Variants in CCDC3 observed in about 807,000 individuals in gnomAD.
The protein encoded by CCDC3 is coiled-coil domain-containing protein 3.
In CCDC3, 24 loss-of-function variants were observed where a neutral mutation model predicts 21.4. The observed-to-expected ratio is 1.12, with a 90% CI of 0.81 to 1.58. CCDC3 has a LOEUF of 1.58. CCDC3 is among the 40% of genes most tolerant of loss of function. The pLI, the probability that CCDC3 is intolerant of heterozygous loss-of-function variation, is 0.00. For synonymous variants in CCDC3, 186 were observed against 166.0 expected (o/e 1.12, Z -0.93); for missense variants, 425 against 360.9 (o/e 1.18, Z -1.44).
At chr10:13,001,794 C>A (rs539513184), upstream of CCDC3, 101 of 169,866 alleles carry the variant, frequency 5.9e-4, no homozygotes, top group African/African-American at 2.2e-3. Flanking sequence ...CTGCCCCCTG[C>A]GGCTGGGGCG....
chr10:12,955,234 T>C (rs1339923580), intron 2 of CCDC3, among the ~76,000 whole-genome samples: 1 of 152,230 alleles, frequency 6.6e-6, no homozygotes, highest in East Asian at 1.9e-4. Context: ...TCCCTTTAAA[T>C]AGCAAGCTCT....
intron 2 of CCDC3, among the ~76,000 whole-genome samples, chr10:12,916,465 G>A (rs892435656): frequency 6.0e-5 from 9 of 150,762 alleles, no homozygotes; most frequent in Admixed American, 1.3e-4. Context: ...CTGGGGCCAC[G>A]GGTGCCAACC....
At chr10:13,015,215 T>C (rs489457) in intron 5 of CCDC3, among the ~76,000 whole-genome samples, 2,781 of 152,186 alleles carry the variant, frequency 0.018, 87 homozygotes, top group African/African-American at 0.063. Flanking sequence ...CTGATGTAGT[T>C]ACAGTAAAAG....
intron 4 of CCDC3, among the ~76,000 whole-genome samples, chr10:13,051,044 G>A (rs752923062): frequency 2.0e-5 from 3 of 152,144 alleles, no homozygotes; most frequent in Non-Finnish European, 2.9e-5. Flanking sequence ...TTCCACCTTA[G>A]CCACTCAAAG....
chr10:13,071,113 G>A (rs1836877017), intron 4 of CCDC3, among the ~76,000 whole-genome samples: 1 of 152,066 alleles, frequency 6.6e-6, no homozygotes, highest in Non-Finnish European at 1.5e-5. Context: ...TTTCCTTTTT[G>A]GGAAAGTAAG....
At chr10:13,094,620 T>C (rs951301412) in intron 3 of CCDC3, among the ~76,000 whole-genome samples, 1 of 151,796 alleles carries the variant, frequency 6.6e-6, no homozygotes, top group Non-Finnish European at 1.5e-5. Context: ...TTCCAGCACT[T>C]TGGGAGGCCG....
chr10:12,948,467 G>GCA (rs35847630), intron 2 of CCDC3, among the ~76,000 whole-genome samples: 2,008 of 148,352 alleles, frequency 0.014, 19 homozygotes, highest in Non-Finnish European at 0.017. Flanking sequence ...GCAGACAATT[G>GCA]CACACACACA....
intron 5 of CCDC3, among the ~76,000 whole-genome samples, chr10:13,038,389 A>G (rs975810855): frequency 2.6e-5 from 4 of 151,852 alleles, no homozygotes; most frequent in South Asian, 2.1e-4. Context: ...AAAAAAAAAA[A>G]AAAGAAAGCT....
chr10:12,963,656 C>A lies in CCDC3; in HGVS notation c.549+34682G>T, dbSNP rs554955139. Among the ~76,000 whole-genome samples the A allele has an allele frequency of 2.7e-5, 4 of 147,076 alleles. No individual in the cohort carries two copies. The East Asian group carries it at 8.6e-4, about 31-fold the overall frequency. On this transcript the variant is annotated intron_variant, in intron 2 of 2. Transcript: ENST00000378825. The stretch of plus-strand genomic sequence containing the variant: ...AGTGCAGTGGCATGATCTTGGCTCA[C>A]TGCAACCTCCTTCTCCCGGATTCAA...
At chr10:12,925,884 A>C (rs1288998369) in intron 2 of CCDC3, among the ~76,000 whole-genome samples, 1 of 152,256 alleles carries the variant, frequency 6.6e-6, no homozygotes, top group Non-Finnish European at 1.5e-5. Context: ...GTTATAGCTC[A>C]AACTTTATGT....
At chr10:12,931,155 G>A (rs1423824378) in intron 2 of CCDC3, among the ~76,000 whole-genome samples, 7 of 141,758 alleles carry the variant, frequency 4.9e-5, no homozygotes, top group South Asian at 2.2e-4. Flanking sequence ...AGGTTACAGC[G>A]AGCTGAGATC....
intron 2 of CCDC3, among the ~76,000 whole-genome samples, chr10:12,982,077 A>G (rs1474598433): frequency 7.5e-6 from 1 of 133,476 alleles, no homozygotes; most frequent in Non-Finnish European, 1.5e-5. Flanking sequence ...AGCCGAGATC[A>G]TGTCACTGCA....
intron 2 of CCDC3, among the ~76,000 whole-genome samples, chr10:12,928,121 TA>T (rs1834575125): frequency 1.3e-5 from 2 of 152,298 alleles, no homozygotes; most frequent in Admixed American, 6.5e-5. Flanking sequence ...GCTGTTCAAA[TA>T]AAAATGTAGA....
At chr10:13,004,352 A>C (rs1477320068), upstream of CCDC3, among the ~76,000 whole-genome samples, 1 of 152,130 alleles carries the variant, frequency 6.6e-6, no homozygotes, top group Non-Finnish European at 1.5e-5. Context: ...AGTTAATTCT[A>C]TGGCCTTGAG....
chr10:13,031,799 T>C (rs924475938), intron 5 of CCDC3, among the ~76,000 whole-genome samples: 31 of 152,176 alleles, frequency 2.0e-4, no homozygotes, highest in African/African-American at 7.0e-4. Context: ...AGGAAGAAGT[T>C]GAATCCCTGA....
chr10:12,953,329 A>G (rs1835037467), intron 2 of CCDC3, among the ~76,000 whole-genome samples: 1 of 152,150 alleles, frequency 6.6e-6, no homozygotes, highest in South Asian at 2.1e-4. Flanking sequence ...CCCTCTCACA[A>G]CACACGGGAA....
chr10:12,913,178 G>GA (rs1834296962), intron 2 of CCDC3, among the ~76,000 whole-genome samples: 1 of 152,094 alleles, frequency 6.6e-6, no homozygotes, highest in South Asian at 2.1e-4. Context: ...GATCACTCTG[G>GA]TAGTATAGAC....
intron 5 of CCDC3, among the ~76,000 whole-genome samples, chr10:13,015,743 C>T (rs1013240051): frequency 2.0e-5 from 3 of 151,958 alleles, no homozygotes; most frequent in Admixed American, 2.0e-4. Context: ...AACTGCCCAT[C>T]CCGATGAACC....
At chr10:12,926,936 A>C (rs1834550805) in intron 2 of CCDC3, among the ~76,000 whole-genome samples, 1 of 152,236 alleles carries the variant, frequency 6.6e-6, no homozygotes, top group South Asian at 2.1e-4. Context: ...GCATTTATTT[A>C]GCACTAGAAA....
Sources: allele counts gnomAD v4.1 joint callset (sites outside exome capture counted in the v4.1 genomes callset), GRCh38; gene constraint gnomAD v4.1.1; transcripts MANE v1.5; gene names NCBI Gene and HGNC (gene_info 2026-07-23, HGNC 2026-07-21).